The following AFDN variants were observed in gnomAD, a reference collection of about 807,000 sequenced individuals.
AFDN encodes the protein afadin.
Under a neutral mutation model 216.6 loss-of-function variants are expected in AFDN, and 68 were observed. That is an observed-to-expected ratio of 0.31 (90% CI 0.26 to 0.38). The LOEUF is 0.38. Among genes scored for constraint, AFDN ranks in the 10% least tolerant of loss-of-function variants. The pLI is 1.00. For synonymous variants in AFDN, 868 were observed against 853.7 expected (o/e 1.02, Z -0.29); for missense variants, 2,136 against 2,342.0 (o/e 0.91, Z 1.82).
intron 29 of AFDN, 101 bp downstream of exon 29, chr6:167,948,579 C>T (rs985123165): frequency 2.6e-6 from 3 of 1,154,960 alleles, no homozygotes; most frequent in Non-Finnish European, 3.5e-6. Context: ...CATTGTTGGC[C>T]TTTTGTTTTT....
chr6:167,868,218 A>G (rs1480246279), intron 2 of AFDN, among the ~76,000 whole-genome samples: 1 of 152,170 alleles, frequency 6.6e-6, no homozygotes, highest in Admixed American at 6.5e-5. Flanking sequence ...CAGAGATAGT[A>G]TCTGTAAAAG....
Position 167,970,012 on chromosome 6 carries a change from G to A in AFDN, c.*77G>A. The A allele has an allele frequency of 8.6e-7, 1 of 1,161,124 alleles. No homozygotes were observed. The highest frequency in any genetic ancestry group is 1.5e-5 in the South Asian group (1 of 65,010). The allele number at this position is 1,161,124 out of a possible 1,614,324, so 71.9% of individuals were successfully genotyped here. ...GGTTTGTAGGTGCGAGTTTGAAGAGGAAAAGAGGAAGGGGGTTATATTTCT... is the reference window on the plus strand; with the variant it reads ...GGTTTGTAGGTGCGAGTTTGAAGAGAAAAAGAGGAAGGGGGTTATATTTCT... On this transcript the variant is annotated 3_prime_UTR_variant, in exon 34 of 34. Transcript: ENST00000683244.
At chr6:167,847,561 A>G (rs1290777820) in intron 1 of AFDN, among the ~76,000 whole-genome samples, 2 of 152,184 alleles carry the variant, frequency 1.3e-5, no homozygotes, top group Non-Finnish European at 2.9e-5. Flanking sequence ...ACAGCCTGGC[A>G]TTCTTCTGGA....
chr6:167,849,315 G>T (rs762169070), intron 1 of AFDN, among the ~76,000 whole-genome samples: 12 of 151,238 alleles, frequency 7.9e-5, no homozygotes, highest in Admixed American at 1.3e-4. Flanking sequence ...TGTAACTTGT[G>T]GGGGGGGAGA....
intron 1 of AFDN, among the ~76,000 whole-genome samples, chr6:167,840,053 A>T (rs1780892712): frequency 6.6e-6 from 1 of 152,132 alleles, no homozygotes; most frequent in Admixed American, 6.5e-5. Flanking sequence ...AAGCAAGCAG[A>T]GTGTGTTCAG....
At chr6:167,963,961 C>T in intron 31 of AFDN, 1 of 1,064,658 alleles carries the variant, frequency 9.4e-7, no homozygotes, top group Non-Finnish European at 1.1e-6. Context: ...GTGCACAGTG[C>T]CCATTGCTAT....
chr6:167,931,808 C>T (rs1039980402), intron 23 of AFDN, among the ~76,000 whole-genome samples: 5 of 152,122 alleles, frequency 3.3e-5, no homozygotes, highest in African/African-American at 7.2e-5. Flanking sequence ...CCCTGCCCTG[C>T]GTCTTACTGA....
At chr6:167,953,731 G>T (rs1032822656) in intron 30 of AFDN, among the ~76,000 whole-genome samples, 1 of 152,202 alleles carries the variant, frequency 6.6e-6, no homozygotes, top group African/African-American at 2.4e-5. Context: ...TCTGAAAGGT[G>T]CTGGGCCTGC....
At chr6:167,865,041 T>A (rs1784018800) in intron 2 of AFDN, among the ~76,000 whole-genome samples, 1 of 152,242 alleles carries the variant, frequency 6.6e-6, no homozygotes, top group African/African-American at 2.4e-5. Flanking sequence ...GGGTGTCACA[T>A]ACATTGTGTA....
At position 167,914,754 on chromosome 6, in the gene AFDN, G is replaced by T. The variant is rs771618847; in HGVS notation, c.2299+16G>T. On this transcript the variant is annotated intron_variant, in intron 18 of 33. Transcript: ENST00000683244. ...CCAAAAATAGGTTAGGATGTTTTCT[G>T]ACTGTCTCCCTCTATCCCGCTTCCT... The T allele has an allele frequency of 1.4e-5, 22 of 1,539,190 alleles. No homozygotes were observed. Among genetic ancestry groups the T allele is most frequent in the East Asian group, 1.1e-4 (5 of 44,516 alleles).
intron 23 of AFDN, among the ~76,000 whole-genome samples, chr6:167,938,711 G>T (rs1458529847): frequency 2.0e-5 from 3 of 152,090 alleles, no homozygotes; most frequent in African/African-American, 7.2e-5. Context: ...TTGCACGTTG[G>T]CTGTCTGCTT....
intron 2 of AFDN, among the ~76,000 whole-genome samples, chr6:167,866,110 T>A (rs1471669308): frequency 6.6e-6 from 1 of 152,220 alleles, no homozygotes; most frequent in African/African-American, 2.4e-5. Context: ...TCTCTCTCAC[T>A]TCCACCTTTT....
chr6:167,849,023 A>G (rs1214339327), intron 1 of AFDN, among the ~76,000 whole-genome samples: 1 of 152,158 alleles, frequency 6.6e-6, no homozygotes, highest in Non-Finnish European at 1.5e-5. Flanking sequence ...TTGCCAGAGT[A>G]TGAATTCTGG....
At chr6:167,915,500 C>T in intron 19 of AFDN, 67 bp downstream of exon 19, 2 of 1,513,726 alleles carry the variant, frequency 1.3e-6, no homozygotes, top group Non-Finnish European at 1.8e-6. Context: ...TTATGATGAG[C>T]AAGAGCTTCA....
chr6:167,931,921 G>C (rs899792273), intron 23 of AFDN, among the ~76,000 whole-genome samples: 6 of 152,196 alleles, frequency 3.9e-5, no homozygotes, highest in African/African-American at 1.4e-4. Flanking sequence ...CAGCCTTGGA[G>C]CACGGAGCCC....
rs2128454590 is a variant in AFDN at position 167,911,116 on chromosome 6, T to A, written c.1785T>A (p.Ser595=). 1.9e-6 allele frequency: 3 copies of A among 1,613,692 alleles called. No homozygotes were observed. The South Asian group carries it at 3.3e-5, about 18-fold the overall frequency. Residue 595 remains serine (S), a synonymous_variant, in exon 14 of 34, where the codon TCT becomes TCA. Transcript: ENST00000683244. Reference sequence around the variant, plus strand: ...CTTCTTTTAGAACACAGGATGCTTCTGGGCCTGAGCTGATACTACCTGCAA... The same window carrying A: ...CTTCTTTTAGAACACAGGATGCTTCAGGGCCTGAGCTGATACTACCTGCAA... ...RRQESRTQDA[S]GPELILPASI...
chr6:167,954,065 G>T (rs1796268961), intron 30 of AFDN, among the ~76,000 whole-genome samples: 2 of 152,156 alleles, frequency 1.3e-5, no homozygotes, highest in Non-Finnish European at 2.9e-5. Flanking sequence ...TTCCAAATGG[G>T]TTAAAACACT....
chr6:167,872,303 A>T lies in AFDN; in HGVS notation c.504A>T (p.Glu168Asp), dbSNP rs758614774. ...CTCTCTCAAAGAAAGAAAAGAAGGA[A>T]AAAAAGAAGAGAGAAAAAGAGGCAT... is the stretch of plus-strand genomic sequence containing the variant. ...KRTLSKKEKK[E>D]KKKREKEALR... The change falls in exon 4 of 34, where the codon GAA (glutamate) becomes GAT (aspartate). Residue 168 changes from glutamate to aspartate, a missense_variant. Transcript: ENST00000683244. The T allele has an allele frequency of 6.2e-7, 1 of 1,614,088 alleles. No individual in the cohort carries two copies. The highest frequency in any genetic ancestry group is 1.1e-5 in the South Asian group (1 of 91,064).
At chr6:167,955,226 G>A (rs866491664) in intron 30 of AFDN, among the ~76,000 whole-genome samples, 6 of 152,162 alleles carry the variant, frequency 3.9e-5, no homozygotes, top group Middle Eastern at 3.4e-3. Context: ...AATATCAGAC[G>A]GTACATTTAA....
Sources: gnomAD v4.1 joint callset for allele counts (sites outside exome capture counted in the v4.1 genomes callset) on GRCh38, gnomAD v4.1.1 for gene constraint, MANE v1.5 for transcripts, NCBI Gene and HGNC (gene_info 2026-07-23, HGNC 2026-07-21) for gene names.